The following ADGRB3 variants were observed in gnomAD, a reference collection of about 807,000 sequenced individuals.
ADGRB3 encodes adhesion G protein-coupled receptor B3.
Under a neutral mutation model 193.4 loss-of-function variants are expected in ADGRB3, and 37 were observed. That is an observed-to-expected ratio of 0.19 (90% CI 0.15 to 0.25). The LOEUF is 0.25. Ranked by LOEUF, ADGRB3 falls within the 10% of genes least tolerant of loss-of-function variation. The pLI is 1.00. For missense variants in ADGRB3, 1,637 were observed against 1,852.9 expected, an observed-to-expected ratio of 0.88 and a Z score of 2.14; for synonymous variants, 690 against 644.2, an observed-to-expected ratio of 1.07 and a Z score of -1.08.
chr6:68,718,868 C>T (rs992422237), intron 3 of ADGRB3, among the ~76,000 whole-genome samples: 6 of 151,750 alleles, frequency 4.0e-5, no homozygotes, highest in Middle Eastern at 3.2e-3. Context: ...AACACAGCCA[C>T]GTCTATTTGA....
chr6:68,868,451 A>G (rs1765364917), intron 3 of ADGRB3, among the ~76,000 whole-genome samples: 1 of 152,230 alleles, frequency 6.6e-6, no homozygotes, highest in Non-Finnish European at 1.5e-5. Flanking sequence ...GTGAAAATAA[A>G]GTAATGTAAC....
intron 17 of ADGRB3, among the ~76,000 whole-genome samples, chr6:69,100,946 GA>G (rs70987449): frequency 0.025 from 176 of 7,024 alleles, 53 homozygotes; most frequent in African/African-American, 0.037. Flanking sequence ...GGGAAGGAAG[GA>G]AAGGAGGGAG....
chr6:68,841,440 T>C (rs2127387495), intron 3 of ADGRB3, among the ~76,000 whole-genome samples: 1 of 152,040 alleles, frequency 6.6e-6, no homozygotes, highest in Admixed American at 6.5e-5. Context: ...TCAATAGAAA[T>C]AAATAACAAG....
rs756030695 is a variant in ADGRB3, at chr6:69,076,018, A to G, written c.2460A>G (p.Val820=). The G allele has an allele frequency of 3.1e-6, 5 of 1,611,776 alleles. No homozygotes were observed. The highest frequency in any genetic ancestry group is 3.3e-5 in the Admixed American group (2 of 59,846). ...AGGGTACTTTGAATCCCTATTGTGTATTGTGGGATGACTCCAAAACGTAAG... is the reference window on the plus strand; with the variant it reads ...AGGGTACTTTGAATCCCTATTGTGTGTTGTGGGATGACTCCAAAACGTAAG... ...LANGTLNPYC[V]LWDDSKTNES... The change falls in exon 17 of 32, where the codon GTA becomes GTG. Residue 820 remains valine, a synonymous_variant. Coordinates refer to ENST00000370598, the MANE Select transcript of ADGRB3 (RefSeq NM_001704.3).
At chr6:69,141,693 G>T (rs1774346905) in intron 17 of ADGRB3, among the ~76,000 whole-genome samples, 1 of 152,102 alleles carries the variant, frequency 6.6e-6, no homozygotes, top group South Asian at 2.1e-4. Flanking sequence ...TCATCATAAA[G>T]ATCTAAGTTT....
intron 21 of ADGRB3, among the ~76,000 whole-genome samples, chr6:69,327,377 CTTATTA>C (rs1416646962): frequency 6.6e-6 from 1 of 152,066 alleles, no homozygotes; most frequent in South Asian, 2.1e-4. Flanking sequence ...TTTTTTCTGT[CTTATTA>C]TAAGTACAGC....
intron 17 of ADGRB3, among the ~76,000 whole-genome samples, chr6:69,140,348 C>G (rs2150337480): frequency 6.6e-6 from 1 of 152,172 alleles, no homozygotes; most frequent in South Asian, 2.1e-4. Context: ...ATGTATAGAA[C>G]CATAAGTCAT....
rs575301976 is a variant in ADGRB3, at chr6:68,744,212, CT to C, written c.757+104787del. ...TTGCATTTATAATACAAAAACAGAA[CT>C]TTTTTTAATGAATAAATATATCAAA... On this transcript the variant is annotated intron_variant, in intron 3 of 31. Coordinates refer to ENST00000370598, the MANE Select transcript of ADGRB3 (RefSeq NM_001704.3). 3.3e-3 allele frequency among the ~76,000 whole-genome samples: 505 copies of C among 151,910 alleles called. 5 individuals are homozygous for C. Among genetic ancestry groups the C allele is most frequent in the African/African-American group, 0.012 (483 of 41,462 alleles).
At chr6:69,016,498 A>G (rs942116875) in intron 12 of ADGRB3, among the ~76,000 whole-genome samples, 1 of 151,908 alleles carries the variant, frequency 6.6e-6, no homozygotes, top group African/African-American at 2.4e-5. Flanking sequence ...TTCACTTGGT[A>G]ATTGGCAGTG....
intron 3 of ADGRB3, among the ~76,000 whole-genome samples, chr6:68,739,641 A>G (rs1304901076): frequency 6.6e-6 from 1 of 152,108 alleles, no homozygotes; most frequent in Non-Finnish European, 1.5e-5. Context: ...GAGAGTGAGG[A>G]TAGCAGGTGT....
At chr6:68,787,625 T>G (rs1333026605) in intron 3 of ADGRB3, among the ~76,000 whole-genome samples, 7 of 152,178 alleles carry the variant, frequency 4.6e-5, no homozygotes, top group Non-Finnish European at 1.0e-4. Context: ...GTTTTTTGGT[T>G]GTGTCTCTGC....
rs773510249 is a variant in ADGRB3, at chr6:69,063,003, G to A, written c.2403G>A (p.Ser801=). Residue 801 remains serine, a synonymous_variant, in exon 16 of 32, where the codon TCG becomes TCA. Transcript: ENST00000370598. ...GGCCTGAACCCAAAACAACCGATTCGTTTCTGGAGATAGAACTAGCTCATT... is the reference window on the plus strand; with the variant it reads ...GGCCTGAACCCAAAACAACCGATTCATTTCTGGAGATAGAACTAGCTCATT... ...TIRPEPKTTD[S]FLEIELAHLA... 1.4e-5 allele frequency: 23 copies of A among 1,612,096 alleles called. No homozygotes were observed. Among genetic ancestry groups the A allele is most frequent in the East Asian group, 6.7e-5 (3 of 44,780 alleles).
intron 13 of ADGRB3, among the ~76,000 whole-genome samples, chr6:69,020,926 T>C (rs1421344914): frequency 6.6e-6 from 1 of 152,018 alleles, no homozygotes; most frequent in African/African-American, 2.4e-5. Flanking sequence ...TTATCCAATT[T>C]GATACTATAT....
chr6:69,057,843 G>C (rs1158494927), intron 15 of ADGRB3, among the ~76,000 whole-genome samples: 1 of 151,850 alleles, frequency 6.6e-6, no homozygotes, highest in Non-Finnish European at 1.5e-5. Flanking sequence ...CTAGCATTTT[G>C]TTGAGGATTT....
intron 17 of ADGRB3, chr6:69,232,684 C>T: frequency 7.1e-7 from 1 of 1,418,132 alleles, no homozygotes; most frequent in Non-Finnish European, 9.6e-7. Context: ...GAGTCGGAAC[C>T]AGCTGATGCC....
chr6:69,066,496 A>G (rs1013514221), intron 16 of ADGRB3, among the ~76,000 whole-genome samples: 1 of 152,114 alleles, frequency 6.6e-6, no homozygotes, highest in Non-Finnish European at 1.5e-5. Flanking sequence ...AATAGCATTT[A>G]CAATATGTTA....
At chr6:68,782,754 G>A (rs952708902) in intron 3 of ADGRB3, among the ~76,000 whole-genome samples, 2 of 151,876 alleles carry the variant, frequency 1.3e-5, no homozygotes, top group Admixed American at 1.3e-4. Context: ...TGTGTTTTTT[G>A]GCTGCATAAA....
intron 8 of ADGRB3, among the ~76,000 whole-genome samples, chr6:68,960,357 A>G (rs1382326251): frequency 1.3e-5 from 2 of 152,194 alleles, no homozygotes; most frequent in Non-Finnish European, 2.9e-5. Context: ...TAGACCAGAA[A>G]TGTAGGAATT....
At chr6:69,250,675 G>A (rs919255297) in intron 20 of ADGRB3, among the ~76,000 whole-genome samples, 2 of 152,174 alleles carry the variant, frequency 1.3e-5, no homozygotes, top group African/African-American at 4.8e-5. Flanking sequence ...AGGATCTGCT[G>A]TAAACTGACT....
Sources: gnomAD v4.1 joint callset for allele counts (sites outside exome capture counted in the v4.1 genomes callset) on GRCh38, gnomAD v4.1.1 for gene constraint, MANE v1.5 for transcripts, NCBI Gene and HGNC (gene_info 2026-07-23, HGNC 2026-07-21) for gene names.